PLPP4: variants seen among roughly 807,000 people sequenced by gnomAD.
PLPP4 encodes diacylglycerol pyrophosphate like 2.
Under a neutral mutation model 32.2 loss-of-function variants are expected in PLPP4, and 20 were observed. The observed-to-expected ratio is 0.62, with a 90% CI of 0.44 to 0.90. The LOEUF (loss-of-function observed/expected upper bound fraction) is 0.90. PLPP4 is among the 40% of genes least tolerant of loss of function. The probability of loss-of-function intolerance (pLI) is 0.00; values close to 1 mark genes in which losing one functional copy is unlikely to be tolerated. For missense variants in PLPP4, 257 were observed against 353.1 expected, an observed-to-expected ratio of 0.73 and a Z score of 2.18; for synonymous variants, 127 against 133.0, an observed-to-expected ratio of 0.95 and a Z score of 0.31.
At position 120,525,655 on chromosome 10, in the gene PLPP4, T is replaced by A. The variant is rs7921883; in HGVS notation, c.445+4560T>A. On this transcript the variant is annotated intron_variant, in intron 5 of 6. Transcript: ENST00000398250. The stretch of plus-strand genomic sequence containing the variant: ...AAGCCTCCAGGGAGGAAAAGCCCTT[T>A]ATCTTGTAGTTTCCCATAAATGAGT... Among the ~76,000 whole-genome samples the A allele has an allele frequency of 2.6e-3, 390 of 152,350 alleles. 3 individuals carry two copies. Among genetic ancestry groups the A allele is most frequent in the African/African-American group, 8.9e-3 (371 of 41,590 alleles).
chr10:120,573,898 G>A (rs1469111425), intron 5 of PLPP4, among the ~76,000 whole-genome samples: 2 of 152,058 alleles, frequency 1.3e-5, no homozygotes, highest in African/African-American at 4.8e-5. Flanking sequence ...AGGGCTTTGG[G>A]CAGTCTCTTA....
At chr10:120,578,077 C>A (rs1310949448) in intron 6 of PLPP4, among the ~76,000 whole-genome samples, 2 of 152,208 alleles carry the variant, frequency 1.3e-5, no homozygotes, top group Admixed American at 6.5e-5. Context: ...AGTTATGCAG[C>A]CCCAAATGTC....
intron 5 of PLPP4, among the ~76,000 whole-genome samples, chr10:120,563,528 C>T (rs139518025): frequency 2.0e-5 from 3 of 149,366 alleles, no homozygotes; most frequent in South Asian, 2.1e-4. Flanking sequence ...AGGCCGGGCG[C>T]GGTGGCTCAC....
chr10:120,542,951 G>A (rs553911130), intron 5 of PLPP4, among the ~76,000 whole-genome samples: 27 of 152,204 alleles, frequency 1.8e-4, no homozygotes, highest in Non-Finnish European at 3.4e-4. Flanking sequence ...AGACAGAGAC[G>A]CTGCTCCAAG....
intron 5 of PLPP4, among the ~76,000 whole-genome samples, chr10:120,548,837 C>T (rs1031664925): frequency 1.3e-5 from 2 of 152,032 alleles, no homozygotes; most frequent in Non-Finnish European, 2.9e-5. Context: ...TGATGTTGAG[C>T]ATTTTTTCAT....
chr10:120,555,309 G>A (rs1564837100), intron 5 of PLPP4, among the ~76,000 whole-genome samples: 1 of 152,056 alleles, frequency 6.6e-6, no homozygotes, highest in Non-Finnish European at 1.5e-5. Context: ...GCTTACAAAT[G>A]GTAGGCTGTC....
chr10:120,514,596 C>T (rs775802105), intron 3 of PLPP4, among the ~76,000 whole-genome samples: 1 of 152,126 alleles, frequency 6.6e-6, no homozygotes, highest in Non-Finnish European at 1.5e-5. Flanking sequence ...CTTCCCAAGA[C>T]GAGCCATGTC....
chr10:120,542,747 C>A (rs1847409714), intron 5 of PLPP4, among the ~76,000 whole-genome samples: 1 of 152,202 alleles, frequency 6.6e-6, no homozygotes, highest in Non-Finnish European at 1.5e-5. Flanking sequence ...AAAGCTTTTT[C>A]ATGCAGTAAC....
intron 5 of PLPP4, among the ~76,000 whole-genome samples, chr10:120,540,370 A>G (rs1460028773): frequency 6.6e-6 from 1 of 152,210 alleles, no homozygotes; most frequent in African/African-American, 2.4e-5. Flanking sequence ...ACTCTTTAAA[A>G]AGTATTCATT....
rs767083831 is a variant in PLPP4, at chr10:120,589,395, C to A, written c.709C>A (p.Pro237Thr). Residue 237 changes from proline to threonine, a missense_variant, in exon 7 of 7, where the codon CCC becomes ACC. Transcript: ENST00000398250. ...PPLANTACHK[P>T]YVSLRVPASL... ...TCTGGCCAACACAGCTTGCCATAAA[C>A]CCTACGTTAGTCTGCGAGTCCCAGC... 1.2e-6 allele frequency: 2 copies of A among 1,614,142 alleles called. No homozygotes were observed. Among genetic ancestry groups the A allele is most frequent in the Non-Finnish European group, 1.7e-6 (2 of 1,180,026 alleles).
chr10:120,479,970 T>C (rs1042197877), intron 1 of PLPP4, among the ~76,000 whole-genome samples: 6 of 152,230 alleles, frequency 3.9e-5, no homozygotes, highest in African/African-American at 1.4e-4. Context: ...AGCAAGTTAG[T>C]TTCTGTTTCT....
chr10:120,528,253 T>C (rs1454592390), intron 5 of PLPP4, among the ~76,000 whole-genome samples: 2 of 152,030 alleles, frequency 1.3e-5, no homozygotes, highest in African/African-American at 4.8e-5. Flanking sequence ...TTTTTGTATT[T>C]TTAGTAGAGA....
rs190067392 is a variant in PLPP4 at position 120,581,279 on chromosome 10, G to A, written c.616+5978G>A. The A allele has an allele frequency of 2.9e-5, 29 of 985,384 alleles. No homozygotes were observed. In the East Asian group the frequency reaches 2.7e-3, roughly 93 times the overall value. The allele number at this position is 985,384 out of a possible 1,614,324, so 61.0% of individuals were successfully genotyped here. Reference sequence around the variant, plus strand: ...TCTTCTCAGCTTTCTGTGGTGTTCTGTGGTTCCTCCTGCTCAGCATATTTA... The same window carrying A: ...TCTTCTCAGCTTTCTGTGGTGTTCTATGGTTCCTCCTGCTCAGCATATTTA... On this transcript the variant is annotated intron_variant, in intron 6 of 6. Transcript: ENST00000398250.
At chr10:120,492,798 A>T (rs1230780759) in intron 1 of PLPP4, among the ~76,000 whole-genome samples, 2 of 152,190 alleles carry the variant, frequency 1.3e-5, no homozygotes, top group East Asian at 1.9e-4. Context: ...ATCCTGAAAA[A>T]TTCCAAATAT....
intron 1 of PLPP4, among the ~76,000 whole-genome samples, chr10:120,485,584 T>A (rs1844409333): frequency 1.3e-5 from 2 of 152,356 alleles, no homozygotes; most frequent in South Asian, 2.1e-4. Flanking sequence ...GAAGGGTTCA[T>A]AAGTGGAACT....
intron 5 of PLPP4, 149 bp downstream of exon 5, chr10:120,521,244 A>G (rs1846142646): frequency 3.1e-6 from 3 of 981,516 alleles, no homozygotes; most frequent in Non-Finnish European, 2.9e-6. Context: ...CTTAGAAACA[A>G]GATTATTCAA....
intron 1 of PLPP4, among the ~76,000 whole-genome samples, chr10:120,502,250 A>G (rs1174046505): frequency 6.6e-6 from 1 of 152,182 alleles, no homozygotes; most frequent in Non-Finnish European, 1.5e-5. Context: ...CCCAGTGCTG[A>G]GCAGAACAGT....
chr10:120,483,286 C>T (rs1050126617), intron 1 of PLPP4, among the ~76,000 whole-genome samples: 1 of 152,168 alleles, frequency 6.6e-6, no homozygotes, highest in African/African-American at 2.4e-5. Context: ...TTCCTTGCTC[C>T]TCAGCTTGCA....
At chr10:120,460,189 A>G (rs1847978790) in intron 1 of PLPP4, among the ~76,000 whole-genome samples, 1 of 152,224 alleles carries the variant, frequency 6.6e-6, no homozygotes, top group Non-Finnish European at 1.5e-5. Context: ...GAAAAATAAA[A>G]GTAAAATGTG....
Sources: allele counts gnomAD v4.1 joint callset (sites outside exome capture counted in the v4.1 genomes callset), GRCh38; gene constraint gnomAD v4.1.1; transcripts MANE v1.5; gene names NCBI Gene and HGNC (gene_info 2026-07-23, HGNC 2026-07-21).